Variants in VEGFC observed in about 807,000 individuals in gnomAD.
VEGFC encodes vascular endothelial growth factor C.
VEGFC carries 12 observed loss-of-function variants against 46.1 expected under a neutral mutation model. The ratio of observed to expected loss-of-function variants is 0.26; its 90% CI spans 0.17 to 0.42. The LOEUF (loss-of-function observed/expected upper bound fraction) is 0.42, where lower values mean the gene tolerates loss of function less well. Among genes scored for constraint, VEGFC ranks in the 10% least tolerant of loss-of-function variants. The probability of loss-of-function intolerance (pLI) is 1.00; values close to 1 mark genes in which losing one functional copy is unlikely to be tolerated. For missense variants in VEGFC, 488 were observed against 529.4 expected (o/e 0.92, Z 0.77); for synonymous variants, 232 against 195.5 (o/e 1.19, Z -1.56).
intron 4 of VEGFC, among the ~76,000 whole-genome samples, chr4:176,711,220 T>C (rs1734614377): frequency 6.6e-6 from 1 of 152,186 alleles, no homozygotes; most frequent in African/African-American, 2.4e-5. Flanking sequence ...TTAAGCTACC[T>C]TACTGATATT....
Position 176,697,716 on chromosome 4 carries a change from C to G in VEGFC, c.705-9789G>C, listed in dbSNP as rs1257969054. Among the ~76,000 whole-genome samples, 16 of 151,612 alleles carry G rather than the reference C, an allele frequency of 1.1e-4. No homozygotes were observed. In the South Asian group the frequency reaches 3.2e-3, roughly 30 times the overall value. On this transcript the variant is annotated intron_variant, in intron 4 of 6. Coordinates refer to ENST00000618562, the MANE Select transcript of VEGFC (RefSeq NM_005429.5). ...TTTATTGCGGCATTATTCACGATAGCAAAGACTTGGAACCAACCCAAATGT... is the reference window on the plus strand; with the variant it reads ...TTTATTGCGGCATTATTCACGATAGGAAAGACTTGGAACCAACCCAAATGT...
chr4:176,774,221 G>A, intron 1 of VEGFC, among the ~76,000 whole-genome samples: 1 of 151,938 alleles, frequency 6.6e-6, no homozygotes, highest in Non-Finnish European at 1.5e-5. Flanking sequence ...TATGCTATAG[G>A]ACTACTTAAT....
intron 4 of VEGFC, among the ~76,000 whole-genome samples, chr4:176,706,395 G>A (rs760661288): frequency 4.1e-4 from 63 of 152,104 alleles, no homozygotes; most frequent in South Asian, 1.9e-3. Flanking sequence ...TTGGGAGGCC[G>A]AGGCGGGTAG....
At position 176,792,883 on chromosome 4, in the gene VEGFC, AGCGGCGGCG is replaced by A. The variant is rs1004741257; in HGVS notation, c.-581_-573del. Reference sequence around the variant, plus strand: ...GGATCCTCCAGAGCGCGCCGGGCTGAGCGGCGGCGGCGGCGGCGGCGGGCGCAGGGGCAG... The same window carrying A: ...GGATCCTCCAGAGCGCGCCGGGCTGAGCGGCGGCGGCGGGCGCAGGGGCAG... On this transcript the variant is annotated 5_prime_UTR_variant, in exon 1 of 7. Coordinates refer to ENST00000618562, the MANE Select transcript of VEGFC (RefSeq NM_005429.5). The surrounding 1 kb of genome is among the most constrained non-coding windows in gnomAD (Gnocchi z 6.3). Among the ~76,000 whole-genome samples, 3 of 144,818 alleles carry A rather than the reference AGCGGCGGCG, an allele frequency of 2.1e-5. No individual in the cohort carries two copies. The highest frequency in any genetic ancestry group is 2.5e-5 in the African/African-American group (1 of 39,808).
chr4:176,717,003 A>G (rs934001206), intron 3 of VEGFC, among the ~76,000 whole-genome samples: 1 of 152,228 alleles, frequency 6.6e-6, no homozygotes, highest in Non-Finnish European at 1.5e-5. Context: ...ATGTTTATTT[A>G]GTAAATACTG....
intron 1 of VEGFC, among the ~76,000 whole-genome samples, chr4:176,744,395 G>C (rs1735226232): frequency 6.6e-6 from 1 of 151,980 alleles, no homozygotes; most frequent in African/African-American, 2.4e-5. Context: ...CAAGTGTCCA[G>C]GGCTAACTTT....
At chr4:176,784,575 G>A (rs1354365297) in intron 1 of VEGFC, among the ~76,000 whole-genome samples, 3 of 150,926 alleles carry the variant, frequency 2.0e-5, no homozygotes, top group Non-Finnish European at 4.4e-5. Context: ...GTCAAACCCC[G>A]TCTCTACTAA....
At chr4:176,712,080 G>A (rs1004575503) in intron 3 of VEGFC, among the ~76,000 whole-genome samples, 1 of 152,066 alleles carries the variant, frequency 6.6e-6, no homozygotes, top group Non-Finnish European at 1.5e-5. Flanking sequence ...ACACAACCCA[G>A]AAATACTTGG....
chr4:176,692,795 G>C (rs375979999), intron 4 of VEGFC, among the ~76,000 whole-genome samples: 4 of 146,948 alleles, frequency 2.7e-5, no homozygotes, highest in Admixed American at 2.0e-4. Context: ...CGGGCAGACT[G>C]CTTCCTCAAG....
chr4:176,751,724 T>C (rs1276283220), intron 1 of VEGFC, among the ~76,000 whole-genome samples: 1 of 151,922 alleles, frequency 6.6e-6, no homozygotes, highest in African/African-American at 2.4e-5. Context: ...CAATGATATG[T>C]GTAAACGTAA....
intron 6 of VEGFC, among the ~76,000 whole-genome samples, chr4:176,684,992 G>A (rs1439823900): frequency 2.0e-5 from 3 of 152,200 alleles, no homozygotes; most frequent in Non-Finnish European, 2.9e-5. Context: ...CTTCCAAAGT[G>A]CTAGGATTAC....
chr4:176,706,619 C>G (rs915234858), intron 4 of VEGFC, among the ~76,000 whole-genome samples: 7 of 74,446 alleles, frequency 9.4e-5, no homozygotes, highest in African/African-American at 3.8e-4. Flanking sequence ...GAGTGAGAAT[C>G]TGTCTCAAAA....
chr4:176,728,043 C>A (rs1026205824), intron 2 of VEGFC, 75 bp from the exon 3 acceptor site: 3 of 1,210,098 alleles, frequency 2.5e-6, no homozygotes, highest in Middle Eastern at 2.0e-4. Context: ...AGCTGCAAAT[C>A]ACTCACATTC....
At chr4:176,782,057 G>T (rs1196062743) in intron 1 of VEGFC, among the ~76,000 whole-genome samples, 1 of 152,166 alleles carries the variant, frequency 6.6e-6, no homozygotes, top group East Asian at 1.9e-4. Flanking sequence ...TAACAAGTTG[G>T]AACCAAAAGT....
At chr4:176,699,952 G>C (rs1385690980) in intron 4 of VEGFC, among the ~76,000 whole-genome samples, 1 of 152,084 alleles carries the variant, frequency 6.6e-6, no homozygotes, top group Non-Finnish European at 1.5e-5. Context: ...GTTACTGTTT[G>C]CTCTTGTTCC....
Position 176,729,712 on chromosome 4 carries a change from C to A in VEGFC, c.182G>T (p.Arg61Leu), listed in dbSNP as rs41278571. The A allele has an allele frequency of 6.2e-7, 1 of 1,605,988 alleles. No homozygotes were observed. The highest frequency in any genetic ancestry group is 8.5e-7 in the Non-Finnish European group (1 of 1,176,110). ...YASKDLEEQL[R>L]SVSSVDELMT... is the part of the protein sequence containing the mutation. ...GAGTTCATCTACACTGGACACAGAC[C>A]GTAACTGCTCCTCCAGATCTTTGCT... The change falls in exon 2 of 7, where the codon CGG becomes CTG. Residue 61 changes from arginine to leucine, a missense_variant. By Grantham distance (102) the Arg-to-Leu change is moderately radical (BLOSUM62 -2). Coordinates refer to ENST00000618562, the MANE Select transcript of VEGFC (RefSeq NM_005429.5).
At chr4:176,758,512 G>A (rs1282779810) in intron 1 of VEGFC, among the ~76,000 whole-genome samples, 7 of 152,056 alleles carry the variant, frequency 4.6e-5, no homozygotes, top group Non-Finnish European at 8.8e-5. Context: ...GAAAACCTCC[G>A]TCTTACTGAC....
At chr4:176,714,771 C>G (rs962162921) in intron 3 of VEGFC, among the ~76,000 whole-genome samples, 5 of 152,242 alleles carry the variant, frequency 3.3e-5, no homozygotes, top group African/African-American at 1.2e-4. Context: ...TCATCCATGC[C>G]TAGGTAGATA....
intron 2 of VEGFC, 86 bp downstream of exon 2, chr4:176,729,447 C>G (rs542013): frequency 0.014 from 15,910 of 1,123,132 alleles, 460 homozygotes; most frequent in African/African-American, 0.11. Flanking sequence ...TTCGGTGATA[C>G]AAACACTGAA....
Sources: gnomAD v4.1 joint callset for allele counts (sites outside exome capture counted in the v4.1 genomes callset) on GRCh38, gnomAD v4.1.1 for gene constraint, Gnocchi (gnomAD v3.1) non-coding constraint, MANE v1.5 for transcripts, NCBI Gene and HGNC (gene_info 2026-07-23, HGNC 2026-07-21) for gene names.